The following ITGAV variants were observed in gnomAD, a reference collection of about 807,000 sequenced individuals.
ITGAV encodes integrin subunit alpha V, also known as integrin alpha-V.
In ITGAV, 76 loss-of-function variants were observed where a neutral mutation model predicts 143.8. That is an observed-to-expected ratio of 0.53 (90% CI 0.44 to 0.64). The LOEUF (loss-of-function observed/expected upper bound fraction) is 0.64, where lower values mean the gene tolerates loss of function less well. ITGAV is among the 30% of genes least tolerant of loss of function. The pLI, the probability that ITGAV is intolerant of heterozygous loss-of-function variation, is 0.00. For synonymous variants in ITGAV, 453 were observed against 446.7 expected, an observed-to-expected ratio of 1.01 and a Z score of -0.18; for missense variants, 1,193 against 1,274.7, an observed-to-expected ratio of 0.94 and a Z score of 0.98.
chr2:186,638,988 G>T (rs1478854780), intron 10 of ITGAV, among the ~76,000 whole-genome samples: 5 of 144,462 alleles, frequency 3.5e-5, no homozygotes, highest in African/African-American at 7.7e-5. Flanking sequence ...AAAGAGAAAA[G>T]AATTCTTTAA....
At chr2:186,596,897 A>C (rs1686764454) in intron 1 of ITGAV, among the ~76,000 whole-genome samples, 1 of 152,214 alleles carries the variant, frequency 6.6e-6, no homozygotes, top group Non-Finnish European at 1.5e-5. Context: ...TTTAATATCG[A>C]GATGGCATTT....
intron 6 of ITGAV, among the ~76,000 whole-genome samples, chr2:186,635,565 T>C (rs1252670604): frequency 2.0e-5 from 3 of 152,244 alleles, no homozygotes; most frequent in African/African-American, 7.2e-5. Context: ...CTATCCTTTC[T>C]TGGCATGGAG....
intron 14 of ITGAV, among the ~76,000 whole-genome samples, chr2:186,650,820 G>T (rs1402967475): frequency 6.6e-6 from 1 of 152,132 alleles, no homozygotes; most frequent in Non-Finnish European, 1.5e-5. Context: ...AAAGTGCTGG[G>T]ATTACAGGTG....
chr2:186,592,199 A>T (rs1686632228), intron 1 of ITGAV, among the ~76,000 whole-genome samples: 1 of 152,186 alleles, frequency 6.6e-6, no homozygotes, highest in Non-Finnish European at 1.5e-5. Context: ...GCACCTTGGG[A>T]GGCCAAGATG....
chr2:186,641,499 A>G lies in ITGAV; in HGVS notation c.1070A>G (p.Gln357Arg). 1 of 1,614,232 alleles carries G rather than the reference A, an allele frequency of 6.2e-7. No individual in the cohort carries two copies. Among genetic ancestry groups the G allele is most frequent in the Non-Finnish European group, 8.5e-7 (1 of 1,180,036 alleles). ...CTACAGAGAGCTTCAGGAGACTTCC[A>G]GACGACAAAGCTGAATGGATTTGAG... ...VSLQRASGDFQTTKLNGFEVF... is the reference protein window; with the variant it reads ...VSLQRASGDFRTTKLNGFEVF... Residue 357 changes from glutamine (Q) to arginine (R), a missense_variant, in exon 12 of 30, where the codon CAG becomes CGG. By Grantham distance (43) the Gln-to-Arg change is conservative (BLOSUM62 1). Coordinates refer to ENST00000261023, the MANE Select transcript of ITGAV (RefSeq NM_002210.5).
chr2:186,666,767 G>T lies in ITGAV; in HGVS notation c.2230G>T (p.Asp744Tyr). The change falls in exon 22 of 30, where the codon GAC becomes TAC. Residue 744 changes from aspartate (D) to tyrosine (Y), a missense_variant. By Grantham distance (160) the Asp-to-Tyr change is radical (BLOSUM62 -3). Transcript: ENST00000261023. ...AGAGATGGATACTTCTGTGAAATTT[G>T]ACTTACAAATCCAAAGGTATGAAAA... ...QSEMDTSVKF[D>Y]LQIQSSNLFD... The T allele has an allele frequency of 1.9e-6, 3 of 1,577,346 alleles. No homozygotes were observed. In the South Asian group the frequency reaches 3.6e-5, roughly 19 times the overall value.
rs1020651346 is a variant in ITGAV, at chr2:186,665,252, T to C, written c.2166+34T>C. 3.0e-6 allele frequency: 4 copies of C among 1,346,364 alleles called. No homozygotes were observed. In the African/African-American group the frequency reaches 5.8e-5, roughly 19 times the overall value. 83.4% of individuals were successfully genotyped at this position (1,346,364 alleles called of 1,614,324 possible). On this transcript the variant is annotated intron_variant, in intron 21 of 29. Transcript: ENST00000261023. Reference sequence around the variant, plus strand: ...ATTTAATTAAACGGATTTTTCTCCCTGGCAAATAGAAAAGCATATTGTTGT... The same window carrying C: ...ATTTAATTAAACGGATTTTTCTCCCCGGCAAATAGAAAAGCATATTGTTGT...
Position 186,596,562 on chromosome 2 carries a change from C to A in ITGAV, c.186-5459C>A, listed in dbSNP as rs539606175. On this transcript the variant is annotated intron_variant, in intron 1 of 29. Transcript: ENST00000261023. ...CCTCCTGGATTCAAGCAATTTCTGG[C>A]TAACTTTTGTATTTTTAGTAGAGAT... is the stretch of plus-strand genomic sequence containing the variant. 2.0e-5 allele frequency among the ~76,000 whole-genome samples: 3 copies of A among 151,240 alleles called. No individual in the cohort carries two copies. The East Asian group carries it at 5.8e-4, about 29-fold the overall frequency.
intron 4 of ITGAV, among the ~76,000 whole-genome samples, chr2:186,628,561 C>T (rs1019968107): frequency 6.6e-6 from 1 of 152,058 alleles, no homozygotes; most frequent in Non-Finnish European, 1.5e-5. Flanking sequence ...TTGACCGTGG[C>T]TAACCAGCTA....
chr2:186,622,025 C>T (rs1261598359), intron 2 of ITGAV, among the ~76,000 whole-genome samples: 2 of 152,046 alleles, frequency 1.3e-5, no homozygotes, highest in Admixed American at 6.6e-5. Context: ...GGCGATCATA[C>T]GTATTTGTTT....
rs770754894 is a variant in ITGAV at position 186,659,045 on chromosome 2, C to T, written c.1727C>T (p.Ser576Phe). 6.2e-7 allele frequency: 1 copy of T among 1,607,414 alleles called. No homozygotes were observed. Among genetic ancestry groups the T allele is most frequent in the Non-Finnish European group, 8.5e-7 (1 of 1,175,986 alleles). The change falls in exon 18 of 30, where the codon TCT (serine) becomes TTT (phenylalanine). Residue 576 changes from serine (S) to phenylalanine (F), a missense_variant. Transcript: ENST00000261023. The stretch of plus-strand genomic sequence containing the variant: ...AAGCGTTTCCATTTCTAGGATGAAT[C>T]TGAATTTAGAGACAAACTCACTCCA... ...EELIAYLRDE[S>F]EFRDKLTPIT...
rs758641402 is a variant in ITGAV, at chr2:186,664,647, CA to C, written c.2073+7del. ...GGGTTGTCCGAAACAATGAAGTAAG[CA>C]GGCTGCCTCTTTAAAAATTGAAATG... On this transcript the variant is annotated splice_region_variant and intron_variant, in intron 20 of 29. Transcript: ENST00000261023. The C allele has an allele frequency of 2.0e-5, 33 of 1,613,788 alleles. No individual in the cohort carries two copies. Among genetic ancestry groups the C allele is most frequent in the Non-Finnish European group, 2.7e-5 (32 of 1,179,870 alleles).
At position 186,649,830 on chromosome 2, in the gene ITGAV, C is replaced by G; in HGVS notation, c.1352-10C>G. ...ATCATTATTAACATGTTTTTCCACTCTTTCTTAAGACTTAATTGTAGGAGC... is the reference window on the plus strand; with the variant it reads ...ATCATTATTAACATGTTTTTCCACTGTTTCTTAAGACTTAATTGTAGGAGC... On this transcript the variant is annotated splice_polypyrimidine_tract_variant and intron_variant, in intron 13 of 29. Coordinates refer to ENST00000261023, the MANE Select transcript of ITGAV (RefSeq NM_002210.5). The G allele has an allele frequency of 6.4e-7, 1 of 1,570,572 alleles. No homozygotes were observed.
chr2:186,668,556 C>A, intron 24 of ITGAV: 1 of 477,776 alleles, frequency 2.1e-6, no homozygotes, highest in South Asian at 2.4e-5. Flanking sequence ...TATTTTTATC[C>A]TGACACATAT....
intron 5 of ITGAV, among the ~76,000 whole-genome samples, chr2:186,632,606 ATAATT>A (rs1687843258): frequency 6.6e-6 from 1 of 152,198 alleles, no homozygotes; most frequent in Middle Eastern, 3.2e-3. Flanking sequence ...CTAGGCAAGC[ATAATT>A]TGTATATGTA....
chr2:186,617,785 A>G (rs150525133), intron 2 of ITGAV, among the ~76,000 whole-genome samples: 1 of 151,406 alleles, frequency 6.6e-6, no homozygotes, highest in South Asian at 2.1e-4. Flanking sequence ...TTTCTTTTTT[A>G]TTTATCTGGG....
chr2:186,631,806 G>A (rs1687820900), intron 5 of ITGAV, among the ~76,000 whole-genome samples: 1 of 152,198 alleles, frequency 6.6e-6, no homozygotes, highest in Non-Finnish European at 1.5e-5. Context: ...GCTGAGGTAG[G>A]AGGATCACTG....
At chr2:186,612,964 A>C (rs10804007) in intron 2 of ITGAV, among the ~76,000 whole-genome samples, 115,173 of 152,004 alleles carry the variant, frequency 0.76, 43,666 homozygotes, top group East Asian at 0.85. Context: ...CTGGTAAGCA[A>C]TTTAGAAATC....
chr2:186,677,638 A>G lies in ITGAV; in HGVS notation c.*346A>G, dbSNP rs1051621906. On this transcript the variant is annotated 3_prime_UTR_variant, in exon 30 of 30. Coordinates refer to ENST00000261023, the MANE Select transcript of ITGAV (RefSeq NM_002210.5). ...TTTCTGATTTAATGTACGGAACTTT[A>G]TTTGTTGTTGTTGTTGTTGTTGTTG... 1 of 189,760 alleles carries G rather than the reference A, an allele frequency of 5.3e-6. No homozygotes were observed. Among genetic ancestry groups the G allele is most frequent in the African/African-American group, 2.5e-5 (1 of 40,388 alleles). 11.8% of individuals were successfully genotyped at this position (189,760 alleles called of 1,614,324 possible).
Sources: gnomAD v4.1 joint callset for allele counts (sites outside exome capture counted in the v4.1 genomes callset) on GRCh38, gnomAD v4.1.1 for gene constraint, MANE v1.5 for transcripts, NCBI Gene and HGNC (gene_info 2026-07-23, HGNC 2026-07-21) for gene names.